Variants in POLH observed in about 807,000 individuals in gnomAD.
POLH encodes the protein DNA polymerase eta.
POLH carries 53 observed loss-of-function variants against 73.6 expected under a neutral mutation model. The ratio of observed to expected loss-of-function variants is 0.72; its 90% CI spans 0.58 to 0.91. The LOEUF (loss-of-function observed/expected upper bound fraction) is 0.91, where lower values mean the gene tolerates loss of function less well. POLH is among the 40% of genes least tolerant of loss of function. The pLI is 0.00. For missense variants in POLH, 768 were observed against 865.4 expected (o/e 0.89, Z 1.41); for synonymous variants, 292 against 308.5 (o/e 0.95, Z 0.56).
At chr6:43,603,577 TAA>T (rs1265429191) in intron 6 of POLH, among the ~76,000 whole-genome samples, 1 of 152,128 alleles carries the variant, frequency 6.6e-6, no homozygotes, top group African/African-American at 2.4e-5. Flanking sequence ...TATTCTTAAG[TAA>T]AGTTTTAGCC....
Position 43,583,134 on chromosome 6 carries a change from C to A in POLH, c.265C>A (p.Leu89Ile). The A allele has an allele frequency of 6.2e-7, 1 of 1,613,858 alleles. No homozygotes were observed. Among genetic ancestry groups the A allele is most frequent in the Non-Finnish European group, 8.5e-7 (1 of 1,179,872 alleles). Residue 89 changes from leucine to isoleucine, a missense_variant, in exon 3 of 11, where the codon CTC (leucine) becomes ATC (isoleucine). Leu to Ile is a conservative substitution (Grantham distance 5). Transcript: ENST00000372236. ...TCGTGAGTCCCGTGGGAAAGCTAACCTCACCAAGTAAGAAAAAAACATTAT... is the reference window on the plus strand; with the variant it reads ...TCGTGAGTCCCGTGGGAAAGCTAACATCACCAAGTAAGAAAAAAACATTAT... ...QVRESRGKAN[L>I]TKYREASVEV... is the part of the protein sequence containing the mutation.
chr6:43,600,376 G>C (rs534433426), intron 5 of POLH, among the ~76,000 whole-genome samples: 33 of 151,618 alleles, frequency 2.2e-4, no homozygotes, highest in African/African-American at 7.8e-4. Context: ...CCAAGATCAC[G>C]CCACTGCCCT....
chr6:43,603,715 T>A (rs1018812510), intron 6 of POLH, among the ~76,000 whole-genome samples, 177 bp from the exon 7 acceptor site: 1 of 152,226 alleles, frequency 6.6e-6, no homozygotes, highest in Non-Finnish European at 1.5e-5. Context: ...TTTGGTTATG[T>A]TATTTTTAAT....
rs2307464 is a variant in POLH at position 43,587,446 on chromosome 6, G to T, written c.447G>T (p.Gly149=). ...TGTTGCCAAGCACTTACATTGAAGG[G>T]TTGCCCCAAGGCCCTACAACGGCAG... ...ADLLPSTYIE[G]LPQGPTTAEE... The change falls in exon 4 of 11, where the codon GGG becomes GGT. Residue 149 remains glycine, a synonymous_variant. Transcript: ENST00000372236. 1,834 of 1,614,160 alleles carry T rather than the reference G, an allele frequency of 1.1e-3. 20 individuals are homozygous for T. The African/African-American group carries it at 0.021, about 18-fold the overall frequency.
chr6:43,605,476 G>A, intron 9 of POLH, 157 bp downstream of exon 9: 1 of 538,342 alleles, frequency 1.9e-6, no homozygotes, highest in Non-Finnish European at 3.2e-6. Flanking sequence ...TTGAGACATG[G>A]TCTCACTCTG....
chr6:43,601,013 TAAACA>T lies in POLH; in HGVS notation c.688_692del (p.Asn230AlafsTer26). ...GTCCTGGCAAAACTGGCCTGTGGAC[TAAACA>T]AGCCCAACCGCCAAACCCTGGTTTC... On this transcript the variant is annotated frameshift_variant, in exon 6 of 11. Coordinates refer to ENST00000372236, the MANE Select transcript of POLH (RefSeq NM_006502.3). LOFTEE classifies it high-confidence loss of function. 6.2e-7 allele frequency: 1 copy of T among 1,614,150 alleles called. No homozygotes were observed. Among genetic ancestry groups the T allele is most frequent in the Non-Finnish European group, 8.5e-7 (1 of 1,179,966 alleles).
Position 43,601,078 on chromosome 6 carries a change from C to A in POLH, c.751C>A (p.Pro251Thr). 1 of 1,610,388 alleles carries A rather than the reference C, an allele frequency of 6.2e-7. No homozygotes were observed. Among genetic ancestry groups the A allele is most frequent in the Non-Finnish European group, 8.5e-7 (1 of 1,176,602 alleles). The change falls in exon 6 of 11, where the codon CCC (proline) becomes ACC (threonine). Residue 251 changes from proline to threonine, a missense_variant. Pro to Thr is a conservative substitution (Grantham distance 38). Coordinates refer to ENST00000372236, the MANE Select transcript of POLH (RefSeq NM_006502.3). ...AGTCCCACAGCTCTTCAGCCAAATGCCCATTCGCAAAATGTAAGTATTCAG... is the reference window on the plus strand; with the variant it reads ...AGTCCCACAGCTCTTCAGCCAAATGACCATTCGCAAAATGTAAGTATTCAG... ...GSVPQLFSQMPIRKIRSLGGK... is the reference protein window; with the variant it reads ...GSVPQLFSQMTIRKIRSLGGK...
At position 43,604,035 on chromosome 6, in the gene POLH, A is replaced by G. The variant is rs1412263560; in HGVS notation, c.884+24A>G. 3 of 1,598,568 alleles carry G rather than the reference A, an allele frequency of 1.9e-6. No homozygotes were observed. The Admixed American group carries it at 5.0e-5, about 27-fold the overall frequency. On this transcript the variant is annotated intron_variant, in intron 7 of 10. Transcript: ENST00000372236. ...GGGTAAGTGATTCATTTTTTTTAAA[A>G]TCATAACCTTTATGGAGATGCTATA...
At chr6:43,599,891 G>A (rs542425625) in intron 5 of POLH, among the ~76,000 whole-genome samples, 6 of 151,950 alleles carry the variant, frequency 3.9e-5, no homozygotes, top group Non-Finnish European at 5.9e-5. Context: ...GAGTGCGGTG[G>A]CTCACACCTG....
chr6:43,594,941 G>A (rs1765868816), intron 4 of POLH, among the ~76,000 whole-genome samples: 1 of 151,480 alleles, frequency 6.6e-6, no homozygotes, highest in African/African-American at 2.4e-5. Context: ...GGCCAAGGCT[G>A]GGGGCTGGGG....
chr6:43,597,899 T>C, intron 5 of POLH, 34 bp downstream of exon 5: 1 of 1,553,670 alleles, frequency 6.4e-7, no homozygotes, highest in South Asian at 1.1e-5. Context: ...AAGAGAAACA[T>C]TGATATCCTT....
intron 4 of POLH, chr6:43,591,506 A>G (rs1765456031): frequency 6.6e-6 from 1 of 152,016 alleles, no homozygotes; most frequent in East Asian, 1.9e-4. Flanking sequence ...TTTAGTAGAG[A>G]CGGGGTTTCG....
chr6:43,604,479 C>A, intron 7 of POLH, 136 bp from the exon 8 acceptor site: 1 of 881,092 alleles, frequency 1.1e-6, no homozygotes, highest in Non-Finnish European at 1.8e-6. Flanking sequence ...GTCAGAGGTC[C>A]GGTACACTAA....
At chr6:43,584,706 G>A (rs1165600280) in intron 3 of POLH, among the ~76,000 whole-genome samples, 1 of 152,140 alleles carries the variant, frequency 6.6e-6, no homozygotes, top group East Asian at 1.9e-4. Context: ...TCCATCACAA[G>A]TCCAGGCCTT....
At position 43,613,906 on chromosome 6, in the gene POLH, G is replaced by C. The variant is rs145050695; in HGVS notation, c.1491G>C (p.Ser497=). Residue 497 remains serine, a synonymous_variant, in exon 11 of 11, where the codon TCG becomes TCC. Coordinates refer to ENST00000372236, the MANE Select transcript of POLH (RefSeq NM_006502.3). ...AAAGGCAGAAAGTTAAAGAAGCTTCGCTTTCATCTCTTACTGCTCCCACTC... is the reference window on the plus strand; with the variant it reads ...AAAGGCAGAAAGTTAAAGAAGCTTCCCTTTCATCTCTTACTGCTCCCACTC... ...AAERQKVKEA[S]LSSLTAPTQA... 3 of 1,613,804 alleles carry C rather than the reference G, an allele frequency of 1.9e-6. No individual in the cohort carries two copies. In the South Asian group the frequency reaches 3.3e-5, roughly 18 times the overall value.
chr6:43,587,252 A>G lies in POLH; in HGVS notation c.273-20A>G, dbSNP rs1219612575. ...TTGCCTCTGTTTATTGCCTGCATGA[A>G]TGATCCTTATACTTCTTAGGTACCG... On this transcript the variant is annotated intron_variant, in intron 3 of 10. Coordinates refer to ENST00000372236, the MANE Select transcript of POLH (RefSeq NM_006502.3). 5 of 1,594,498 alleles carry G rather than the reference A, an allele frequency of 3.1e-6. No individual in the cohort carries two copies.
rs182665486 is a variant in POLH at position 43,617,289 on chromosome 6, C to T, written c.*2732C>T. Among the ~76,000 whole-genome samples, 1 of 152,270 alleles carries T rather than the reference C, an allele frequency of 6.6e-6. No individual in the cohort carries two copies. The highest frequency in any genetic ancestry group is 6.5e-5 in the Admixed American group (1 of 15,280). On this transcript the variant is annotated 3_prime_UTR_variant, in exon 11 of 11. Coordinates refer to ENST00000372236, the MANE Select transcript of POLH (RefSeq NM_006502.3). ...GGGAACTTATTAGAAATAGTCTCAGCCTCACCACTATTCCCACTTAATTGT... is the reference window on the plus strand; with the variant it reads ...GGGAACTTATTAGAAATAGTCTCAGTCTCACCACTATTCCCACTTAATTGT...
At chr6:43,606,152 T>C (rs1767259695) in intron 9 of POLH, among the ~76,000 whole-genome samples, 2 of 151,106 alleles carry the variant, frequency 1.3e-5, no homozygotes, top group South Asian at 4.2e-4. Flanking sequence ...CACATACTTT[T>C]TTGTAAAAAA....
chr6:43,580,732 C>G (rs1439248695), intron 1 of POLH, among the ~76,000 whole-genome samples: 1 of 136,750 alleles, frequency 7.3e-6, no homozygotes, highest in African/African-American at 2.8e-5. Flanking sequence ...CCCCCACCTC[C>G]CTCCCGGACG....
Sources: allele counts gnomAD v4.1 joint callset (sites outside exome capture counted in the v4.1 genomes callset), GRCh38; gene constraint gnomAD v4.1.1; transcripts MANE v1.5; gene names NCBI Gene and HGNC (gene_info 2026-07-23, HGNC 2026-07-21).